CCT2: variants seen among roughly 807,000 people sequenced by gnomAD.
CCT2 encodes T-complex protein 1 subunit beta.
CCT2 carries 18 observed loss-of-function variants against 61.8 expected under a neutral mutation model. That is an observed-to-expected ratio of 0.29 (90% CI 0.20 to 0.43). CCT2 has a LOEUF of 0.43. CCT2 is among the 20% of genes least tolerant of loss of function. CCT2 has a pLI of 1.00. For missense variants in CCT2, 556 were observed against 656.9 expected, an observed-to-expected ratio of 0.85 and a Z score of 1.68; for synonymous variants, 248 against 215.9, an observed-to-expected ratio of 1.15 and a Z score of -1.30.
At chr12:69,586,394 G>A (rs937256018) in intron 2 of CCT2, 50 bp downstream of exon 2, 2 of 1,337,552 alleles carry the variant, frequency 1.5e-6, no homozygotes, top group South Asian at 1.2e-5. Context: ...GAGGCCAGGC[G>A]CGGTGGCTTA....
chr12:69,592,846 TGAA>T, intron 8 of CCT2, 127 bp from the exon 9 acceptor site: 2 of 724,034 alleles, frequency 2.8e-6, no homozygotes, highest in Non-Finnish European at 4.3e-6. Context: ...GAGAATCACT[TGAA>T]CCCAGCGGGT....
rs574602706 is a variant in CCT2 at position 69,585,832 on chromosome 12, C to T, written c.3+308C>T. 8.6e-5 allele frequency: 114 copies of T among 1,333,134 alleles called. No homozygotes were observed. The African/African-American group carries it at 1.6e-3, about 19-fold the overall frequency. 82.6% of individuals were successfully genotyped at this position (1,333,134 alleles called of 1,614,324 possible). A position where few individuals can be genotyped will look rare whatever the true frequency, so the allele number is the denominator to read the frequency against. On this transcript the variant is annotated intron_variant, in intron 1 of 15. Transcript: ENST00000299300. ...CTAGTGTGGGACCCGCTCCGCCCTC[C>T]TTCTAGGGGCGGAGCCTGGAGCGAC...
In CCT2 at chr12:69,601,285, ACT is replaced by A. The variant is rs1351681826; in HGVS notation, c.1578-6_1578-5del. On this transcript the variant is annotated splice_polypyrimidine_tract_variant and splice_region_variant and intron_variant, in intron 15 of 15. Coordinates refer to ENST00000299300, the MANE Select transcript of CCT2 (RefSeq NM_006431.3). ...ATTTTTCACTATTGACTTTTTTCTT[ACT>A]CTCATAGGAAACGTGTCCCTGATCA... The A allele has an allele frequency of 1.3e-6, 2 of 1,586,802 alleles. No homozygotes were observed. The highest frequency in any genetic ancestry group is 3.9e-5 in the Admixed American group (2 of 51,726).
chr12:69,585,743 G>A (rs931555069), intron 1 of CCT2: 27 of 1,449,074 alleles, frequency 1.9e-5, no homozygotes, highest in Non-Finnish European at 2.4e-5. Context: ...GCGTCTCCTT[G>A]TGCCTAGGTC....
chr12:69,585,781 G>A (rs1297613081), intron 1 of CCT2: 3 of 1,389,048 alleles, frequency 2.2e-6, no homozygotes, highest in Non-Finnish European at 2.8e-6. Context: ...GCCCAGGTCC[G>A]CGCCTCACCC....
At chr12:69,593,718 T>G in intron 10 of CCT2, 105 bp downstream of exon 10, 1 of 617,598 alleles carries the variant, frequency 1.6e-6, no homozygotes, top group Non-Finnish European at 2.8e-6. Flanking sequence ...ATTTCAGCAG[T>G]TATTCTGAAA....
intron 8 of CCT2, chr12:69,592,759 C>T: frequency 1.0e-5 from 4 of 381,576 alleles, no homozygotes; most frequent in Non-Finnish European, 1.9e-5. Flanking sequence ...GAAACCCTGT[C>T]TTTACTAAAA....
At chr12:69,593,717 G>A in intron 10 of CCT2, 104 bp downstream of exon 10, 2 of 614,152 alleles carry the variant, frequency 3.3e-6, no homozygotes, top group Non-Finnish European at 5.7e-6. Flanking sequence ...AATTTCAGCA[G>A]TTATTCTGAA....
intron 6 of CCT2, chr12:69,589,227 T>A: frequency 2.1e-6 from 1 of 487,694 alleles, no homozygotes; most frequent in Non-Finnish European, 3.7e-6. Flanking sequence ...GCCCGGCCAT[T>A]TCTCACATTC....
Position 69,586,749 on chromosome 12 carries a change from C to T in CCT2, c.79-4C>T. 6.3e-7 allele frequency: 1 copy of T among 1,592,600 alleles called. No homozygotes were observed. Among genetic ancestry groups the T allele is most frequent in the South Asian group, 1.2e-5 (1 of 86,956 alleles). ...TCTGATAATCTCCTTGGTTTTTACT[C>T]CAGACTTCTTTTATTGGTGCCATCG... On this transcript the variant is annotated splice_polypyrimidine_tract_variant and splice_region_variant and intron_variant, in intron 2 of 15. Coordinates refer to ENST00000299300, the MANE Select transcript of CCT2 (RefSeq NM_006431.3).
chr12:69,601,043 G>A (rs1413080533), intron 15 of CCT2, among the ~76,000 whole-genome samples: 1 of 152,102 alleles, frequency 6.6e-6, no homozygotes, highest in Non-Finnish European at 1.5e-5. Flanking sequence ...CTCACCTAAA[G>A]CCAGCAGTCC....
At chr12:69,598,501 A>G in intron 14 of CCT2, 80 bp downstream of exon 14, 1 of 801,704 alleles carries the variant, frequency 1.2e-6, no homozygotes, top group Non-Finnish European at 1.9e-6. Flanking sequence ...TTGGAACATA[A>G]AGAGTTACAA....
At chr12:69,586,042 T>C (rs1288568801) in intron 1 of CCT2, 2 of 1,388,472 alleles carry the variant, frequency 1.4e-6, no homozygotes, top group African/African-American at 2.9e-5. Flanking sequence ...GGTGTATAAT[T>C]TATACTCCCG....
chr12:69,593,136 C>T, intron 9 of CCT2, 33 bp downstream of exon 9: 1 of 1,579,530 alleles, frequency 6.3e-7, no homozygotes, highest in Non-Finnish European at 8.6e-7. Context: ...GGATTTTTTT[C>T]CATGAAAGTT....
chr12:69,587,762 C>A, intron 4 of CCT2, 146 bp downstream of exon 4: 1 of 735,984 alleles, frequency 1.4e-6, no homozygotes, highest in Non-Finnish European at 2.3e-6. Context: ...ATACAAGCTT[C>A]AGGAGTGCCC....
intron 10 of CCT2, among the ~76,000 whole-genome samples, 196 bp downstream of exon 10, chr12:69,593,809 A>C (rs1881906728): frequency 1.3e-5 from 2 of 152,198 alleles, no homozygotes; most frequent in Admixed American, 6.5e-5. Context: ...CATTTGCCGT[A>C]GGTATAGATT....
At chr12:69,598,286 A>G (rs1426258270) in intron 13 of CCT2, 36 bp from the exon 14 acceptor site, 6 of 1,400,980 alleles carry the variant, frequency 4.3e-6, no homozygotes, top group Middle Eastern at 1.8e-4. Context: ...TTCTTACAGT[A>G]GAGTGAGTAG....
At chr12:69,591,901 G>A (rs913139461) in intron 7 of CCT2, among the ~76,000 whole-genome samples, 158 bp from the exon 8 acceptor site, 28 of 152,158 alleles carry the variant, frequency 1.8e-4, no homozygotes, top group Admixed American at 7.2e-4. Flanking sequence ...AATAAGGCAG[G>A]TTGGACAAGC....
intron 7 of CCT2, 123 bp downstream of exon 7, chr12:69,589,810 C>G (rs1372497751): frequency 1.4e-6 from 1 of 734,054 alleles, no homozygotes; most frequent in Non-Finnish European, 2.2e-6. Context: ...AAGGACATAT[C>G]ATATGTGCAA....
Sources: gnomAD v4.1 joint callset for allele counts (sites outside exome capture counted in the v4.1 genomes callset) on GRCh38, gnomAD v4.1.1 for gene constraint, MANE v1.5 for transcripts, NCBI Gene and HGNC (gene_info 2026-07-23, HGNC 2026-07-21) for gene names.